The following FSTL4 variants were observed in gnomAD, a reference collection of about 807,000 sequenced individuals.
The protein encoded by FSTL4 is follistatin like 4.
A neutral mutation model predicts 78.2 loss-of-function variants in FSTL4; 28 were observed. The observed-to-expected ratio is 0.36, with a 90% confidence interval of 0.27 to 0.49. The LOEUF (loss-of-function observed/expected upper bound fraction) is 0.49. FSTL4 is among the 20% of genes least tolerant of loss of function. The pLI is 0.98. For missense variants in FSTL4, 922 were observed against 1,084.9 expected (o/e 0.85, Z 2.11); for synonymous variants, 422 against 440.5 (o/e 0.96, Z 0.53).
the FSTL4 span, among the ~76,000 whole-genome samples, chr5:133,627,746 T>C: frequency 6.6e-6 from 1 of 152,174 alleles, no homozygotes; most frequent in Non-Finnish European, 1.5e-5. Flanking sequence ...GACATGTCAA[T>C]GCTTAAGCCT....
intron 3 of FSTL4, among the ~76,000 whole-genome samples, chr5:133,507,416 G>A (rs1282633033): frequency 3.9e-5 from 6 of 151,904 alleles, no homozygotes; most frequent in Admixed American, 2.0e-4. Context: ...AACTACCTTC[G>A]CCATTTCCAG....
the FSTL4 span, among the ~76,000 whole-genome samples, chr5:133,689,935 C>T: frequency 6.6e-6 from 1 of 151,884 alleles, no homozygotes; most frequent in Non-Finnish European, 1.5e-5. Context: ...ATAGCAGACA[C>T]CTGTAATCCC....
chr5:133,268,380 C>T (rs1752690937), intron 6 of FSTL4, among the ~76,000 whole-genome samples: 1 of 152,212 alleles, frequency 6.6e-6, no homozygotes, highest in African/African-American at 2.4e-5. Context: ...TCCAATTCCT[C>T]CCTGGCCTGT....
the FSTL4 span, among the ~76,000 whole-genome samples, chr5:133,629,282 T>C: frequency 6.6e-6 from 1 of 151,966 alleles, no homozygotes; most frequent in African/African-American, 2.4e-5. Flanking sequence ...ATTTATTGAT[T>C]TGCATATATT....
chr5:133,801,748 G>A, the FSTL4 span, among the ~76,000 whole-genome samples: 2 of 152,330 alleles, frequency 1.3e-5, no homozygotes, highest in African/African-American at 4.8e-5. Flanking sequence ...GAGGCATGGG[G>A]GAGCCAGACA....
intron 4 of FSTL4, among the ~76,000 whole-genome samples, chr5:133,337,405 C>T (rs1754488579): frequency 6.6e-6 from 1 of 152,202 alleles, no homozygotes; most frequent in South Asian, 2.1e-4. Flanking sequence ...ACGGGGGCAG[C>T]TGGCTCTGCT....
intron 3 of FSTL4, among the ~76,000 whole-genome samples, chr5:133,443,131 T>G (rs561024506): frequency 1.3e-5 from 2 of 152,376 alleles, no homozygotes; most frequent in African/African-American, 4.8e-5. Flanking sequence ...CACGACACCT[T>G]GTGTTCATAA....
intron 2 of FSTL4, among the ~76,000 whole-genome samples, chr5:133,598,291 C>G (rs1760782897): frequency 6.6e-6 from 1 of 152,066 alleles, no homozygotes; most frequent in Admixed American, 6.5e-5. Context: ...TCTGAAGTAT[C>G]AGCATCACCT....
At chr5:133,216,885 G>A (rs904037348) in intron 13 of FSTL4, among the ~76,000 whole-genome samples, 6 of 152,094 alleles carry the variant, frequency 3.9e-5, no homozygotes, top group African/African-American at 1.4e-4. Context: ...GGTCCTACCT[G>A]GCATCTCATT....
At chr5:133,463,503 GCCAT>G (rs900830583) in intron 3 of FSTL4, among the ~76,000 whole-genome samples, 1 of 152,118 alleles carries the variant, frequency 6.6e-6, no homozygotes, top group Non-Finnish European at 1.5e-5. Flanking sequence ...TTCACCACTG[GCCAT>G]CCATTTTCCC....
intron 7 of FSTL4, among the ~76,000 whole-genome samples, chr5:133,233,803 T>TC (rs111629142): frequency 2.0e-5 from 3 of 152,160 alleles, no homozygotes; most frequent in African/African-American, 4.8e-5. Flanking sequence ...TTTGAACACA[T>TC]CCCCCAGCAC....
At chr5:133,311,192 T>C (rs1270621773) in intron 6 of FSTL4, among the ~76,000 whole-genome samples, 1 of 152,200 alleles carries the variant, frequency 6.6e-6, no homozygotes, top group East Asian at 1.9e-4. Context: ...TGTGGGGAGT[T>C]GTGGATACTT....
At chr5:133,458,812 C>T (rs1246365587) in intron 3 of FSTL4, among the ~76,000 whole-genome samples, 1 of 152,228 alleles carries the variant, frequency 6.6e-6, no homozygotes, top group Non-Finnish European at 1.5e-5. Flanking sequence ...GCTGTAAAAC[C>T]TGCAACCTTT....
chr5:133,397,386 T>C (rs1447213723), intron 4 of FSTL4, among the ~76,000 whole-genome samples: 1 of 152,224 alleles, frequency 6.6e-6, no homozygotes, highest in East Asian at 1.9e-4. Flanking sequence ...AGACCCTGCT[T>C]GTGACTCAGG....
At chr5:133,320,289 G>A (rs1374650212) in intron 4 of FSTL4, among the ~76,000 whole-genome samples, 1 of 152,040 alleles carries the variant, frequency 6.6e-6, no homozygotes, top group Non-Finnish European at 1.5e-5. Context: ...AAAGTCATAG[G>A]TTACCAAATT....
intron 1 of FSTL4, among the ~76,000 whole-genome samples, chr5:133,610,613 T>C (rs552305118): frequency 5.1e-4 from 78 of 152,352 alleles, no homozygotes; most frequent in Non-Finnish European, 9.4e-4. Context: ...TGAGAGTTGC[T>C]GTGGCTCTGG....
the FSTL4 span, among the ~76,000 whole-genome samples, chr5:133,718,560 A>T: frequency 1.3e-5 from 2 of 152,196 alleles, no homozygotes; most frequent in Non-Finnish European, 2.9e-5. Flanking sequence ...CTAATGTCTT[A>T]TTTTGACGTA....
At chr5:133,659,508 C>T in the FSTL4 span, among the ~76,000 whole-genome samples, 2 of 151,502 alleles carry the variant, frequency 1.3e-5, no homozygotes, top group Admixed American at 1.3e-4. Context: ...TGGTTTTTGT[C>T]TTTTAAATTC....
At chr5:133,270,956 T>C (rs369243737) in intron 6 of FSTL4, among the ~76,000 whole-genome samples, 3 of 152,198 alleles carry the variant, frequency 2.0e-5, no homozygotes, top group African/African-American at 7.2e-5. Context: ...TTTACCTCCA[T>C]CCTTGGAACT....
Sources: allele counts gnomAD v4.1 joint callset (sites outside exome capture counted in the v4.1 genomes callset), GRCh38; gene constraint gnomAD v4.1.1; transcripts MANE v1.5; gene names NCBI Gene and HGNC (gene_info 2026-07-23, HGNC 2026-07-21).